The following SYNE1 variants were observed in gnomAD, a reference collection of about 807,000 sequenced individuals.
SYNE1 encodes the protein spectrin repeat containing nuclear envelope protein 1, also known as nesprin-1.
Under a neutral mutation model 1,111.0 loss-of-function variants are expected in SYNE1, and 616 were observed. That is an observed-to-expected ratio of 0.55 (90% CI 0.52 to 0.59). The LOEUF (loss-of-function observed/expected upper bound fraction) is 0.59, where lower values mean the gene tolerates loss of function less well. Ranked by LOEUF, SYNE1 falls within the 20% of genes least tolerant of loss-of-function variation. SYNE1 has a pLI of 0.00. For missense variants in SYNE1, 10,006 were observed against 10,417.0 expected (o/e 0.96, Z 1.72); for synonymous variants, 3,855 against 3,825.8 (o/e 1.01, Z -0.28).
chr6:152,381,636 G>A (rs137969714), intron 55 of SYNE1: 4 of 496,636 alleles, frequency 8.1e-6, no homozygotes, highest in East Asian at 3.7e-5. Context: ...ATTCGCACAC[G>A]TGAAAATGTT....
intron 77 of SYNE1, among the ~76,000 whole-genome samples, chr6:152,333,773 C>T (rs2096307947): frequency 6.6e-6 from 1 of 152,100 alleles, no homozygotes; most frequent in Non-Finnish European, 1.5e-5. Flanking sequence ...GCTGGGATTA[C>T]AAGCATGCAC....
In SYNE1 at chr6:152,134,696, C is replaced by T. The variant is rs535937042; in HGVS notation, c.25788+408G>A. On this transcript the variant is annotated intron_variant, in intron 142 of 145. Coordinates refer to ENST00000367255, the MANE Select transcript of SYNE1 (RefSeq NM_182961.4). ...ACTCTGTCTCAAAAAACAACGACAA[C>T]AAAAACAAACAAAAGACTTAATTGT... 6.1e-5 allele frequency: 13 copies of T among 213,562 alleles called. No individual in the cohort carries two copies. In the South Asian group the frequency reaches 9.2e-4, roughly 15 times the overall value. 13.2% of individuals were successfully genotyped at this position (213,562 alleles called of 1,614,324 possible).
intron 64 of SYNE1, among the ~76,000 whole-genome samples, chr6:152,361,651 T>C (rs532601617): frequency 6.6e-6 from 1 of 152,310 alleles, no homozygotes; most frequent in African/African-American, 2.4e-5. Context: ...TGGAACAGGC[T>C]GACCGATGAT....
Position 152,428,308 on chromosome 6 carries a change from A to G in SYNE1, c.4873T>C (p.Cys1625Arg), listed in dbSNP as rs1592493276. The G allele has an allele frequency of 6.2e-7, 1 of 1,614,156 alleles. No individual in the cohort carries two copies. Among genetic ancestry groups the G allele is most frequent in the Non-Finnish European group, 8.5e-7 (1 of 1,180,028 alleles). Residue 1625 changes from cysteine to arginine, a missense_variant, in exon 37 of 146, where the codon TGT becomes CGT. By Grantham distance (180) the Cys-to-Arg change is radical. This residue lies in a region of SYNE1 where 1,971 missense variants were observed against 2,084.1 expected (regional missense o/e 0.95). Transcript: ENST00000367255. The stretch of plus-strand genomic sequence containing the variant: ...TGTAGAGCCGCAGCCTCCTGAACAC[A>G]GGAATCTCTGTTCACAACCTTCCTG... ...SARKVVNRDS[C>R]VQEAAALQQQ... is the part of the protein sequence containing the mutation.
chr6:152,511,496 A>T (rs2099084704), intron 6 of SYNE1: 8 of 1,384,758 alleles, frequency 5.8e-6, no homozygotes, highest in African/African-American at 1.4e-5. Flanking sequence ...GAAGTTTGTT[A>T]CCAAATAGCA....
chr6:152,457,485 A>G (rs545143580), intron 22 of SYNE1, among the ~76,000 whole-genome samples: 188 of 152,312 alleles, frequency 1.2e-3, no homozygotes, highest in African/African-American at 4.4e-3. Context: ...GGTTCATTAT[A>G]ATAAACCAAA....
chr6:152,201,300 G>A (rs1192167156), intron 127 of SYNE1, among the ~76,000 whole-genome samples: 1 of 152,096 alleles, frequency 6.6e-6, no homozygotes, highest in Non-Finnish European at 1.5e-5. Flanking sequence ...AGTACCATTT[G>A]AAGTGTTGAT....
rs189443199 is a variant in SYNE1 at position 152,233,513 on chromosome 6, C to A, written c.20712+268G>T. Among the ~76,000 whole-genome samples the A allele has an allele frequency of 5.4e-3, 817 of 152,102 alleles. 4 individuals carry two copies. Among genetic ancestry groups the A allele is most frequent in the Middle Eastern group, 0.01 (3 of 294 alleles). ...CTAATTTTTTGTATTTTAGTAGAGA[C>A]GGGGTTTCACCGTGTTGCCCAGGCT... On this transcript the variant is annotated intron_variant, in intron 112 of 145. Transcript: ENST00000367255.
chr6:152,210,487 A>G (rs2077325039), intron 124 of SYNE1, among the ~76,000 whole-genome samples: 1 of 152,242 alleles, frequency 6.6e-6, no homozygotes, highest in Non-Finnish European at 1.5e-5. Flanking sequence ...AATAAATATA[A>G]TATCACATTC....
intron 127 of SYNE1, among the ~76,000 whole-genome samples, chr6:152,191,976 A>G (rs973469933): frequency 2.6e-5 from 4 of 152,112 alleles, no homozygotes; most frequent in Non-Finnish European, 5.9e-5. Context: ...AAATTTTTCT[A>G]TTTCCTTTTT....
rs758219775 is a variant in SYNE1, at chr6:152,310,847, A to G, written c.16737T>C (p.Ile5579=). 1.4e-5 allele frequency: 22 copies of G among 1,613,784 alleles called. No homozygotes were observed. The highest frequency in any genetic ancestry group is 1.8e-5 in the Non-Finnish European group (21 of 1,180,004). The change falls in exon 88 of 146, where the codon ATT becomes ATC. Residue 5579 remains isoleucine, a synonymous_variant. Coordinates refer to ENST00000367255, the MANE Select transcript of SYNE1 (RefSeq NM_182961.4). The part of the protein sequence containing the change: ...HQTLLEESKE[I]DSELEAMTEK... ...CAGTCATTGCTTCCAGCTCACTGTC[A>G]ATTTCTTTGGATTCTTCTAGCAGGG...
rs1347930195 is a variant in SYNE1, at chr6:152,364,724, GGA to G, written c.10145+121_10145+122del. On this transcript the variant is annotated intron_variant, in intron 63 of 145. Transcript: ENST00000367255. ...AGGAAGGAAGGAAGGAAGGAAGGAA[GGA>G]AGGGAGGAAGGAAAGGAAAGGGAAG... is the stretch of plus-strand genomic sequence containing the variant. 16 of 1,117,154 alleles carry G rather than the reference GGA, an allele frequency of 1.4e-5. 1 individual carries two copies. The highest frequency in any genetic ancestry group is 1.2e-4 in the East Asian group (5 of 41,604). The allele number at this position is 1,117,154 out of a possible 1,614,324, so 69.2% of individuals were successfully genotyped here. A position where few individuals can be genotyped will look rare whatever the true frequency, so the allele number is the denominator to read the frequency against.
intron 3 of SYNE1, among the ~76,000 whole-genome samples, chr6:152,545,036 A>G (rs993645015): frequency 1.3e-5 from 2 of 152,232 alleles, no homozygotes; most frequent in Admixed American, 1.3e-4. Flanking sequence ...AAATGTTAAA[A>G]TACATGACAA....
intron 29 of SYNE1, among the ~76,000 whole-genome samples, chr6:152,446,910 C>G (rs1210499400): frequency 6.6e-6 from 1 of 152,150 alleles, no homozygotes; most frequent in East Asian, 1.9e-4. Flanking sequence ...TTTATTATTA[C>G]TAAGAACCAG....
chr6:152,420,507 C>T (rs1351215487), intron 39 of SYNE1, among the ~76,000 whole-genome samples: 3 of 152,120 alleles, frequency 2.0e-5, no homozygotes, highest in Non-Finnish European at 4.4e-5. Context: ...GTAATCCCAG[C>T]TACTTAGGAG....
chr6:152,170,775 G>A (rs2064998931), intron 130 of SYNE1, among the ~76,000 whole-genome samples: 1 of 152,158 alleles, frequency 6.6e-6, no homozygotes, highest in African/African-American at 2.4e-5. Context: ...GACCTCTATT[G>A]AACATATTCT....
At position 152,476,695 on chromosome 6, in the gene SYNE1, C is replaced by T. The variant is rs1223241659; in HGVS notation, c.1351-4282G>A. Reference sequence around the variant, plus strand: ...ACCAGGCTGGGCAACACGGTGAAACCCTATCTCTCCAAAAAATACAAAAAT... The same window carrying T: ...ACCAGGCTGGGCAACACGGTGAAACTCTATCTCTCCAAAAAATACAAAAAT... On this transcript the variant is annotated intron_variant, in intron 14 of 145. Coordinates refer to ENST00000367255, the MANE Select transcript of SYNE1 (RefSeq NM_182961.4). 2.0e-5 allele frequency among the ~76,000 whole-genome samples: 3 copies of T among 151,836 alleles called. 1 individual carries two copies. Among genetic ancestry groups the T allele is most frequent in the South Asian group, 4.2e-4 (2 of 4,818 alleles).
In SYNE1 at chr6:152,371,905, A is replaced by AGGACAGGAC. The variant is rs1563461784; in HGVS notation, c.9507+1131_9507+1132insGTCCTGTCC. On this transcript the variant is annotated intron_variant, in intron 59 of 145. Coordinates refer to ENST00000367255, the MANE Select transcript of SYNE1 (RefSeq NM_182961.4). ...AAGGAAAGGAAAGGAAAGGAAAGGA[A>AGGACAGGAC]AGGAAAGGAAAGGAAAGGACAGGAC... is the stretch of plus-strand genomic sequence containing the variant. Among the ~76,000 whole-genome samples, 73 of 52,580 alleles carry AGGACAGGAC rather than the reference A, an allele frequency of 1.4e-3. 5 individuals are homozygous for AGGACAGGAC. Among genetic ancestry groups the AGGACAGGAC allele is most frequent in the African/African-American group, 3.9e-3 (69 of 17,490 alleles). The allele number at this position is 52,580 out of a possible 152,430, so 34.5% of individuals were successfully genotyped here.
At chr6:152,575,931 CTT>C (rs1294757036) in intron 3 of SYNE1, among the ~76,000 whole-genome samples, 1 of 152,200 alleles carries the variant, frequency 6.6e-6, no homozygotes, top group African/African-American at 2.4e-5. Context: ...CAAACTTTCT[CTT>C]ATAATTCTTG....
Sources: gnomAD v4.1 joint callset for allele counts (sites outside exome capture counted in the v4.1 genomes callset) on GRCh38, gnomAD v4.1.1 for gene constraint, gnomAD v4.1.1 regional missense constraint, MANE v1.5 for transcripts, NCBI Gene and HGNC (gene_info 2026-07-23, HGNC 2026-07-21) for gene names.